Variants in MSH4 observed in about 807,000 individuals in gnomAD.
MSH4 encodes mutS protein homolog 4.
MSH4 carries 106 observed loss-of-function variants against 113.7 expected under a neutral mutation model. The observed-to-expected ratio is 0.93, with a 90% CI of 0.80 to 1.10. MSH4 has a LOEUF of 1.10. Ranked by LOEUF, MSH4 falls within the 50% of genes least tolerant of loss-of-function variation. MSH4 has a pLI of 0.00. For synonymous variants in MSH4, 368 were observed against 380.2 expected, an observed-to-expected ratio of 0.97 and a Z score of 0.37; for missense variants, 1,061 against 1,093.7, an observed-to-expected ratio of 0.97 and a Z score of 0.42.
chr1:75,853,403 G>A (rs1651237319), intron 8 of MSH4, among the ~76,000 whole-genome samples: 1 of 151,946 alleles, frequency 6.6e-6, no homozygotes, highest in Non-Finnish European at 1.5e-5. Context: ...ACATAACATT[G>A]GCAGAAATAC....
intron 14 of MSH4, among the ~76,000 whole-genome samples, chr1:75,882,676 A>G (rs1250189738): frequency 6.6e-6 from 1 of 150,672 alleles, no homozygotes; most frequent in Non-Finnish European, 1.5e-5. Context: ...AAAAAAAAAA[A>G]AAAAAAAAAA....
At chr1:75,823,089 C>A (rs1451190350) in intron 7 of MSH4, among the ~76,000 whole-genome samples, 3 of 152,110 alleles carry the variant, frequency 2.0e-5, no homozygotes, top group Non-Finnish European at 4.4e-5. Flanking sequence ...TCCTTTGCCC[C>A]TTTCTAGCTT....
At chr1:75,803,225 A>G (rs1649977798) in intron 1 of MSH4, among the ~76,000 whole-genome samples, 1 of 152,134 alleles carries the variant, frequency 6.6e-6, no homozygotes, top group Non-Finnish European at 1.5e-5. Context: ...TAGAGGCAAA[A>G]GCTATATTAG....
chr1:75,850,389 A>G lies in MSH4; in HGVS notation c.1230+2113A>G, dbSNP rs901708726. On this transcript the variant is annotated intron_variant, in intron 8 of 19. Coordinates refer to ENST00000263187, the MANE Select transcript of MSH4 (RefSeq NM_002440.4). ...TTCAAAAAGGTCAAAACACTTTCTA[A>G]TTTCTTTTTAAACATTCTTTGATGT... is the stretch of plus-strand genomic sequence containing the variant. Among the ~76,000 whole-genome samples the G allele has an allele frequency of 3.9e-5, 6 of 152,148 alleles. No individual in the cohort carries two copies. In the South Asian group the frequency reaches 1.2e-3, roughly 32 times the overall value.
At chr1:75,910,715 A>C (rs1239259795) in intron 19 of MSH4, among the ~76,000 whole-genome samples, 5 of 151,968 alleles carry the variant, frequency 3.3e-5, no homozygotes, top group Non-Finnish European at 5.9e-5. Context: ...TCAACTCTGA[A>C]TCTATATATT....
At chr1:75,837,129 G>A (rs1313326739) in intron 7 of MSH4, among the ~76,000 whole-genome samples, 3 of 152,142 alleles carry the variant, frequency 2.0e-5, no homozygotes, top group African/African-American at 7.2e-5. Context: ...CCTCATGAAT[G>A]GGATCAGTGC....
At position 75,837,649 on chromosome 1, in the gene MSH4, A is replaced by T. The variant is rs189467520; in HGVS notation, c.1163-10560A>T. On this transcript the variant is annotated intron_variant, in intron 7 of 19. Transcript: ENST00000263187. The stretch of plus-strand genomic sequence containing the variant: ...GTGATCCACCAGCCTCGGCCTCCCA[A>T]TGTGCTGGGATTACAGGCGTGAACC... Among the ~76,000 whole-genome samples, 36 of 152,140 alleles carry T rather than the reference A, an allele frequency of 2.4e-4. No individual in the cohort carries two copies. The East Asian group carries it at 6.6e-3, about 28-fold the overall frequency.
intron 19 of MSH4, among the ~76,000 whole-genome samples, chr1:75,911,106 C>T (rs1253414794): frequency 6.6e-6 from 1 of 151,432 alleles, no homozygotes; most frequent in Non-Finnish European, 1.5e-5. Context: ...TACAGGGTAC[C>T]ATACTAGATT....
chr1:75,895,604 C>T (rs1652362296), intron 17 of MSH4, among the ~76,000 whole-genome samples: 1 of 152,026 alleles, frequency 6.6e-6, no homozygotes, highest in Non-Finnish European at 1.5e-5. Flanking sequence ...TATATATATA[C>T]ATATATTAAA....
intron 6 of MSH4, among the ~76,000 whole-genome samples, 159 bp downstream of exon 6, chr1:75,816,705 C>T (rs184868198): frequency 6.6e-6 from 1 of 152,254 alleles, no homozygotes; most frequent in African/African-American, 2.4e-5. Context: ...CAGCTCACTG[C>T]AACCTCTGCC....
chr1:75,860,141 T>C (rs1054723341), intron 8 of MSH4, among the ~76,000 whole-genome samples: 1 of 152,180 alleles, frequency 6.6e-6, no homozygotes, highest in Non-Finnish European at 1.5e-5. Context: ...TCCCTTTATT[T>C]TGAGCCTTGT....
intron 8 of MSH4, among the ~76,000 whole-genome samples, chr1:75,853,020 T>G (rs2100549548): frequency 6.6e-6 from 1 of 152,218 alleles, no homozygotes; most frequent in South Asian, 2.1e-4. Context: ...CGTGACTTTT[T>G]GTGGGCTTTT....
chr1:75,874,266 A>G (rs1651770787), intron 9 of MSH4, among the ~76,000 whole-genome samples: 1 of 151,956 alleles, frequency 6.6e-6, no homozygotes, highest in African/African-American at 2.4e-5. Context: ...AAGTTGTTTT[A>G]TTCTTGTAAA....
rs1290870040 is a variant in MSH4 at position 75,848,238 on chromosome 1, CT to C, written c.1194del (p.Leu399PhefsTer4). 1 of 1,609,200 alleles carries C rather than the reference CT, an allele frequency of 6.2e-7. No homozygotes were observed. The highest frequency in any genetic ancestry group is 1.1e-5 in the South Asian group (1 of 90,600). The part of the protein sequence containing the change: ...VISRFLDTEQ[L>X]LSVLVQIPKQ... ...ATCAAGATTTCTTGATACAGAGCAG[CT>C]TCTTTCTGTTTTAGTCCAAATTCCA... On this transcript the variant is annotated frameshift_variant, in exon 8 of 20. Coordinates refer to ENST00000263187, the MANE Select transcript of MSH4 (RefSeq NM_002440.4). LOFTEE classifies it high-confidence loss of function.
chr1:75,812,567 G>A (rs555639434), intron 4 of MSH4, among the ~76,000 whole-genome samples: 6 of 152,204 alleles, frequency 3.9e-5, no homozygotes, highest in East Asian at 3.9e-4. Flanking sequence ...GGTGGCACGC[G>A]CCTGTAGTCC....
chr1:75,890,643 A>T, intron 16 of MSH4, 53 bp from the exon 17 acceptor site: 3 of 951,224 alleles, frequency 3.2e-6, no homozygotes, highest in African/African-American at 1.7e-5. Flanking sequence ...TTTTCCTGTG[A>T]TATTGACAGC....
At position 75,848,597 on chromosome 1, in the gene MSH4, G is replaced by A. The variant is rs557323452; in HGVS notation, c.1230+321G>A. On this transcript the variant is annotated intron_variant, in intron 8 of 19. Transcript: ENST00000263187. ...TACAAAGGATCAAAAAATTAGCTGG[G>A]CATGCTGTTGCATGCTTGTAGTCCC... 3.9e-5 allele frequency among the ~76,000 whole-genome samples: 6 copies of A among 152,226 alleles called. 1 individual carries two copies. In the South Asian group the frequency reaches 1.2e-3, roughly 32 times the overall value.
At chr1:75,870,497 C>T (rs538622108) in intron 9 of MSH4, among the ~76,000 whole-genome samples, 39 of 152,212 alleles carry the variant, frequency 2.6e-4, no homozygotes, top group Admixed American at 1.6e-3. Context: ...TAATAATCCC[C>T]ACATGTCAAA....
At chr1:75,881,201 CT>C in intron 13 of MSH4, 44 bp from the exon 14 acceptor site, 1 of 1,473,506 alleles carries the variant, frequency 6.8e-7, no homozygotes. Flanking sequence ...ATGTATGTCC[CT>C]TTTGAAAAAA....
Sources: allele counts gnomAD v4.1 joint callset (sites outside exome capture counted in the v4.1 genomes callset), GRCh38; gene constraint gnomAD v4.1.1; transcripts MANE v1.5; gene names NCBI Gene and HGNC (gene_info 2026-07-23, HGNC 2026-07-21).